Variants in LRRC8D observed in about 807,000 individuals in gnomAD.
LRRC8D encodes leucine rich repeat containing 8 VRAC subunit D, also known as volume-regulated anion channel subunit LRRC8D.
A neutral mutation model predicts 55.8 loss-of-function variants in LRRC8D; 20 were observed. That is an observed-to-expected ratio of 0.36 (90% CI 0.25 to 0.52). The LOEUF is 0.52. Among genes scored for constraint, LRRC8D ranks in the 20% least tolerant of loss-of-function variants. The pLI, the probability that LRRC8D is intolerant of heterozygous loss-of-function variation, is 0.93. For missense variants in LRRC8D, 651 were observed against 1,030.8 expected (o/e 0.63, Z 5.05); for synonymous variants, 352 against 377.0 (o/e 0.93, Z 0.77).
intron 2 of LRRC8D, among the ~76,000 whole-genome samples, chr1:89,926,299 A>G (rs1255122793): frequency 2.0e-5 from 3 of 152,276 alleles, no homozygotes; most frequent in Admixed American, 6.5e-5. Context: ...AAAAACTGCA[A>G]TCACTTTCAC....
At chr1:89,839,825 A>G (rs1661089968) in intron 1 of LRRC8D, among the ~76,000 whole-genome samples, 2 of 152,270 alleles carry the variant, frequency 1.3e-5, no homozygotes, top group South Asian at 4.1e-4. Flanking sequence ...TCTTGTTTGT[A>G]AAATCCATGT....
At chr1:89,822,707 C>G (rs1244704913) in intron 1 of LRRC8D, among the ~76,000 whole-genome samples, 3 of 152,148 alleles carry the variant, frequency 2.0e-5, no homozygotes, top group Non-Finnish European at 2.9e-5. Flanking sequence ...AGACCTTCCT[C>G]GCCATAGCAT....
chr1:89,824,168 C>T (rs1660710577), intron 1 of LRRC8D, among the ~76,000 whole-genome samples: 1 of 152,134 alleles, frequency 6.6e-6, no homozygotes, highest in Admixed American at 6.5e-5. Flanking sequence ...CCCCTTCCTC[C>T]TAAACAAAGA....
At chr1:89,883,264 C>G (rs1176332565) in intron 2 of LRRC8D, among the ~76,000 whole-genome samples, 2 of 151,928 alleles carry the variant, frequency 1.3e-5, no homozygotes, top group Admixed American at 1.3e-4. Flanking sequence ...TTTTCAGAAA[C>G]TTATTTCAGA....
At position 89,933,435 on chromosome 1, in the gene LRRC8D, C is replaced by G. The variant is rs146779702; in HGVS notation, c.367C>G (p.Pro123Ala). The G allele has an allele frequency of 6.2e-7, 1 of 1,613,972 alleles. No homozygotes were observed. The highest frequency in any genetic ancestry group is 8.5e-7 in the Non-Finnish European group (1 of 1,180,044). The stretch of plus-strand genomic sequence containing the variant: ...ATATCCTCGCACAGATTTCGCACTT[C>G]CAAATCAGGAGGCAAAGAAAGAGAA... ...ATYPRTDFAL[P>A]NQEAKKEKKD... The change falls in exon 3 of 3, where the codon CCA becomes GCA. Residue 123 changes from proline (P) to alanine (A), a missense_variant. Physicochemically the swap from Pro to Ala is conservative, Grantham distance 27. Around this residue, in one of 5 missense-constraint regions of LRRC8D, gnomAD observed 118 missense variants for 138.0 expected, o/e 0.85. Coordinates refer to ENST00000337338, the MANE Select transcript of LRRC8D (RefSeq NM_001134479.2). This position sits in a 1 kb window ranked among gnomAD's most constrained non-coding sequence, Gnocchi z 7.0.
chr1:89,853,571 C>A (rs12046264), intron 2 of LRRC8D, among the ~76,000 whole-genome samples: 2 of 152,208 alleles, frequency 1.3e-5, no homozygotes, highest in African/African-American at 4.8e-5. Flanking sequence ...ACAATTCTTA[C>A]AACAATCTCC....
At position 89,842,560 on chromosome 1, in the gene LRRC8D, AT is replaced by A. The variant is rs200528449; in HGVS notation, c.-147-1077del. 9.5e-3 allele frequency among the ~76,000 whole-genome samples: 1,441 copies of A among 152,360 alleles called. 9 individuals carry two copies. The highest frequency in any genetic ancestry group is 0.016 in the Non-Finnish European group (1,085 of 68,036). On this transcript the variant is annotated intron_variant, in intron 1 of 2. Transcript: ENST00000337338. ...TTGTATTACATTCTCCATTTTGAGT[AT>A]GGAACCATGAATGCCAACAGCTTGA... is the stretch of plus-strand genomic sequence containing the variant.
intron 2 of LRRC8D, among the ~76,000 whole-genome samples, chr1:89,868,495 G>T (rs890877486): frequency 5.3e-5 from 8 of 152,102 alleles, no homozygotes; most frequent in African/African-American, 1.4e-4. Context: ...CACGAATGAG[G>T]TTTATTTATG....
intron 2 of LRRC8D, among the ~76,000 whole-genome samples, chr1:89,908,587 A>G (rs906060230): frequency 1.1e-4 from 16 of 152,232 alleles, no homozygotes; most frequent in Non-Finnish European, 1.8e-4. Flanking sequence ...ACTTCATGAG[A>G]AATGAGAGTG....
At chr1:89,822,391 G>A (rs1318230999) in intron 1 of LRRC8D, among the ~76,000 whole-genome samples, 1 of 152,184 alleles carries the variant, frequency 6.6e-6, no homozygotes, top group Non-Finnish European at 1.5e-5. Context: ...GGAGCCGCTT[G>A]GCTTATATTT....
intron 2 of LRRC8D, among the ~76,000 whole-genome samples, chr1:89,906,678 G>A (rs1408380266): frequency 1.3e-5 from 2 of 152,138 alleles, no homozygotes; most frequent in African/African-American, 4.8e-5. Flanking sequence ...TGTGTGTTGT[G>A]CCAAGTTGTG....
intron 2 of LRRC8D, among the ~76,000 whole-genome samples, chr1:89,921,804 A>G (rs771374813): frequency 2.0e-5 from 3 of 152,188 alleles, no homozygotes; most frequent in Non-Finnish European, 2.9e-5. Context: ...TCAGCCTCCC[A>G]AAGTGCTGGG....
intron 2 of LRRC8D, among the ~76,000 whole-genome samples, chr1:89,895,893 A>C (rs937437803): frequency 2.6e-5 from 4 of 152,190 alleles, no homozygotes; most frequent in Non-Finnish European, 5.9e-5. Context: ...TCTACAGGGA[A>C]AACTTTTCCA....
intron 2 of LRRC8D, among the ~76,000 whole-genome samples, chr1:89,920,348 G>A (rs1663379488): frequency 6.6e-6 from 1 of 152,074 alleles, no homozygotes; most frequent in African/African-American, 2.4e-5. Flanking sequence ...GTCCTTTTAA[G>A]TGTTAAATGG....
intron 2 of LRRC8D, among the ~76,000 whole-genome samples, chr1:89,870,219 G>A (rs1316365335): frequency 6.6e-6 from 1 of 152,140 alleles, no homozygotes; most frequent in Admixed American, 6.5e-5. Flanking sequence ...GCTCACACCT[G>A]TAATCCCAGC....
chr1:89,873,045 C>A (rs1211251778), intron 2 of LRRC8D, among the ~76,000 whole-genome samples: 1 of 152,184 alleles, frequency 6.6e-6, no homozygotes, highest in East Asian at 1.9e-4. Flanking sequence ...TCTGTCCAGA[C>A]TGTGAACAGT....
At chr1:89,844,282 T>A (rs1345189821) in intron 2 of LRRC8D, among the ~76,000 whole-genome samples, 1 of 152,188 alleles carries the variant, frequency 6.6e-6, no homozygotes, top group Non-Finnish European at 1.5e-5. Flanking sequence ...GAAAAGAATC[T>A]TAGTGTCCAT....
At chr1:89,899,669 T>C (rs1662800639) in intron 2 of LRRC8D, among the ~76,000 whole-genome samples, 1 of 152,240 alleles carries the variant, frequency 6.6e-6, no homozygotes. Context: ...TCACAATGTA[T>C]AGGCCCACAT....
chr1:89,827,793 T>G (rs1459956615), intron 1 of LRRC8D, among the ~76,000 whole-genome samples: 3 of 152,210 alleles, frequency 2.0e-5, no homozygotes, highest in Non-Finnish European at 4.4e-5. Context: ...TCTAGTGCCT[T>G]GCACGTGGCA....
Sources: allele counts gnomAD v4.1 joint callset (sites outside exome capture counted in the v4.1 genomes callset), GRCh38; gene constraint gnomAD v4.1.1; regional missense constraint gnomAD v4.1.1; non-coding constraint Gnocchi (gnomAD v3.1); transcripts MANE v1.5; gene names NCBI Gene and HGNC (gene_info 2026-07-23, HGNC 2026-07-21).